The following DOP1A variants were observed in gnomAD, a reference collection of about 807,000 sequenced individuals.
DOP1A encodes DOP1 leucine zipper like protein A, also known as protein DOP1A.
Under a neutral mutation model 267.6 loss-of-function variants are expected in DOP1A, and 90 were observed. That is an observed-to-expected ratio of 0.34 (90% CI 0.28 to 0.40). The LOEUF is 0.40. Ranked by LOEUF, DOP1A falls within the 10% of genes least tolerant of loss-of-function variation. The pLI is 1.00. For missense variants in DOP1A, 2,437 were observed against 2,900.4 expected (o/e 0.84, Z 3.67); for synonymous variants, 932 against 999.1 (o/e 0.93, Z 1.27).
intron 34 of DOP1A, 87 bp from the exon 35 acceptor site, chr6:83,157,093 GAT>G (rs1714283835): frequency 7.7e-7 from 1 of 1,300,608 alleles, no homozygotes; most frequent in Admixed American, 2.5e-5. Context: ...CTTTACTACA[GAT>G]AGTTTGAGAG....
At chr6:83,148,215 C>T (rs1215742834) in intron 26 of DOP1A, among the ~76,000 whole-genome samples, 3 of 151,832 alleles carry the variant, frequency 2.0e-5, no homozygotes, top group Non-Finnish European at 4.4e-5. Flanking sequence ...AGATCAAGAC[C>T]ATACTGGCCA....
rs1786344537 is a variant in DOP1A, at chr6:83,168,305, T to C, written c.*138T>C. 2.1e-6 allele frequency: 3 copies of C among 1,429,628 alleles called. No homozygotes were observed. The highest frequency in any genetic ancestry group is 2.9e-5 in the Admixed American group (1 of 34,684). The allele number at this position is 1,429,628 out of a possible 1,614,324, so 88.6% of individuals were successfully genotyped here. A position where few individuals can be genotyped will look rare whatever the true frequency, so the allele number is the denominator to read the frequency against. On this transcript the variant is annotated 3_prime_UTR_variant, in exon 39 of 39. Coordinates refer to ENST00000349129, the MANE Select transcript of DOP1A (RefSeq NM_015018.4). ...ATTGTATTTAATTTAAATATTTGTATATAAGAGCAAATGTCTGAATGTGGC... is the reference window on the plus strand; with the variant it reads ...ATTGTATTTAATTTAAATATTTGTACATAAGAGCAAATGTCTGAATGTGGC...
intron 1 of DOP1A, among the ~76,000 whole-genome samples, chr6:83,069,678 G>A (rs138731342): frequency 3.3e-5 from 5 of 152,134 alleles, no homozygotes; most frequent in East Asian, 1.9e-4. Context: ...GAGTCTTAAT[G>A]CTTTAATTAT....
At chr6:83,159,002 A>G (rs193014904) in intron 36 of DOP1A, among the ~76,000 whole-genome samples, 1 of 152,328 alleles carries the variant, frequency 6.6e-6, no homozygotes, top group Admixed American at 6.5e-5. Context: ...GATGGTCCCA[A>G]TTTAATATAC....
intron 1 of DOP1A, among the ~76,000 whole-genome samples, chr6:83,095,176 G>A (rs374091519): frequency 4.6e-5 from 7 of 152,082 alleles, no homozygotes; most frequent in Non-Finnish European, 7.4e-5. Flanking sequence ...CAAGCGATCC[G>A]CCTACCTCGG....
At chr6:83,068,185 G>T (rs934934217) in intron 1 of DOP1A, among the ~76,000 whole-genome samples, 10 of 152,206 alleles carry the variant, frequency 6.6e-5, no homozygotes, top group African/African-American at 2.4e-4. Context: ...TTTGTTGAAG[G>T]AATCGAGGCG....
intron 19 of DOP1A, among the ~76,000 whole-genome samples, chr6:83,135,295 G>A (rs1390822197): frequency 1.3e-5 from 2 of 152,092 alleles, no homozygotes; most frequent in Non-Finnish European, 2.9e-5. Context: ...CTCAGTGCTT[G>A]ATAATATGAA....
chr6:83,140,194 T>C (rs765364338), intron 22 of DOP1A, 27 bp from the exon 23 acceptor site: 1 of 1,606,264 alleles, frequency 6.2e-7, no homozygotes, highest in Non-Finnish European at 8.5e-7. Flanking sequence ...GTAAGTAATA[T>C]GTTTCTTTTC....
At chr6:83,076,619 T>A (rs9341958) in intron 1 of DOP1A, among the ~76,000 whole-genome samples, 116,554 of 150,978 alleles carry the variant, frequency 0.77, 44,978 homozygotes, top group Middle Eastern at 0.82. Flanking sequence ...AAAAAAAAAA[T>A]AGTTTTGGCA....
intron 24 of DOP1A, among the ~76,000 whole-genome samples, chr6:83,144,582 T>C (rs1429669727): frequency 3.9e-5 from 6 of 152,114 alleles, no homozygotes; most frequent in Non-Finnish European, 8.8e-5. Flanking sequence ...AAAATAATCA[T>C]GTGAACATTG....
intron 24 of DOP1A, among the ~76,000 whole-genome samples, chr6:83,144,977 C>T (rs1780268095): frequency 6.8e-6 from 1 of 147,250 alleles, no homozygotes; most frequent in Non-Finnish European, 1.5e-5. Flanking sequence ...TAGTGGCATG[C>T]CTGTGGTCTC....
At chr6:83,080,751 A>G (rs976008680) in intron 1 of DOP1A, among the ~76,000 whole-genome samples, 2 of 152,194 alleles carry the variant, frequency 1.3e-5, no homozygotes, top group African/African-American at 2.4e-5. Context: ...TATGTTCTGT[A>G]TATAGTTCCC....
chr6:83,160,577 G>C (rs899747290), intron 37 of DOP1A, among the ~76,000 whole-genome samples: 1 of 152,172 alleles, frequency 6.6e-6, no homozygotes, highest in Admixed American at 6.5e-5. Context: ...GAATGGACTG[G>C]AGCTGGGCAA....
rs367698371 is a variant in DOP1A at position 83,119,849 on chromosome 6, T to G, written c.982T>G (p.Leu328Val). ...TTTCACTACCTTTTCAAAAGAATTA[T>G]TAGTCCAGGTAATGAATACTTTTAT... ...YYFTTFSKEL[L>V]VQAMVGILQV... Residue 328 changes from leucine (L) to valine (V), a missense_variant, in exon 9 of 39, where the codon TTA (leucine) becomes GTA (valine). Transcript: ENST00000349129. 1 of 1,609,274 alleles carries G rather than the reference T, an allele frequency of 6.2e-7. No homozygotes were observed. The highest frequency in any genetic ancestry group is 1.7e-5 in the Admixed American group (1 of 59,944).
At chr6:83,167,615 A>C in intron 38 of DOP1A, 1 of 1,194,552 alleles carries the variant, frequency 8.4e-7, no homozygotes, top group East Asian at 3.8e-5. Flanking sequence ...TATTTCTGTT[A>C]ACTAAGCTTA....
At chr6:83,090,445 C>T (rs1770139900) in intron 1 of DOP1A, among the ~76,000 whole-genome samples, 1 of 152,006 alleles carries the variant, frequency 6.6e-6, no homozygotes, top group African/African-American at 2.4e-5. Context: ...TTAAGTATGT[C>T]TATTTATTTT....
intron 17 of DOP1A, among the ~76,000 whole-genome samples, chr6:83,131,154 C>CAA (rs1346193731): frequency 2.6e-5 from 4 of 152,094 alleles, no homozygotes; most frequent in Non-Finnish European, 5.9e-5. Context: ...TCAGAAAACT[C>CAA]AGTCTTTGAT....
At chr6:83,139,232 GTT>G in intron 21 of DOP1A, 70 bp downstream of exon 21, 1 of 1,233,220 alleles carries the variant, frequency 8.1e-7, no homozygotes, top group Non-Finnish European at 1.1e-6. Flanking sequence ...TGTCTGGAAA[GTT>G]GGTCACAACT....
intron 1 of DOP1A, among the ~76,000 whole-genome samples, chr6:83,081,206 C>G (rs1768014576): frequency 6.6e-6 from 1 of 152,204 alleles, no homozygotes; most frequent in African/African-American, 2.4e-5. Context: ...ACTGTGGCCT[C>G]TGCCTCCAGG....
Sources: allele counts gnomAD v4.1 joint callset (sites outside exome capture counted in the v4.1 genomes callset), GRCh38; gene constraint gnomAD v4.1.1; transcripts MANE v1.5; gene names NCBI Gene and HGNC (gene_info 2026-07-23, HGNC 2026-07-21).